Variants in ARHGAP6 observed in about 807,000 individuals in gnomAD.
ARHGAP6 encodes rho GTPase-activating protein 6.
Under a neutral mutation model 55.7 loss-of-function variants are expected in ARHGAP6, and 16 were observed. The observed-to-expected ratio is 0.29, with a 90% CI of 0.19 to 0.44. The LOEUF (loss-of-function observed/expected upper bound fraction) is 0.44, where lower values mean the gene tolerates loss of function less well. ARHGAP6 is among the 20% of genes least tolerant of loss of function. ARHGAP6 has a pLI of 1.00. For missense variants in ARHGAP6, 698 were observed against 808.9 expected (o/e 0.86, Z 1.66); for synonymous variants, 382 against 360.9 (o/e 1.06, Z -0.66).
chrX:11,482,472 G>A (rs2050466800), intron 1 of ARHGAP6, among the ~76,000 whole-genome samples: 1 of 111,466 alleles, frequency 9.0e-6, no homozygotes, highest in Admixed American at 9.5e-5. Flanking sequence ...TGATGAGTTG[G>A]TGTCCTGAGA....
At chrX:11,333,474 A>T (rs1393525838) in intron 1 of ARHGAP6, among the ~76,000 whole-genome samples, 1 of 112,041 alleles carries the variant, frequency 8.9e-6, no homozygotes, top group African/African-American at 3.2e-5. Flanking sequence ...TGAGTCAATT[A>T]AACCTCTTTC....
At chrX:11,275,455 A>G (rs1230210457) in intron 1 of ARHGAP6, among the ~76,000 whole-genome samples, 1 of 111,553 alleles carries the variant, frequency 9.0e-6, no homozygotes, top group Non-Finnish European at 1.9e-5. Context: ...ATTGCTTCCT[A>G]TGTCTCTCCT....
Position 11,319,132 on chromosome X carries a change from A to G in ARHGAP6, c.589-64425T>C, listed in dbSNP as rs182598432. ...CCTGTGATGGTAACTCCACATTTCT[A>G]TATCTATATCTATATCTATATCTAT... On this transcript the variant is annotated intron_variant, in intron 1 of 12. Coordinates refer to ENST00000337414, the MANE Select transcript of ARHGAP6 (RefSeq NM_013427.3). Among the ~76,000 whole-genome samples the G allele has an allele frequency of 5.8e-3, 646 of 111,656 alleles. 2 individuals are homozygous for G. The highest frequency in any genetic ancestry group is 8.4e-3 in the Non-Finnish European group (445 of 53,126).
intron 1 of ARHGAP6, among the ~76,000 whole-genome samples, chrX:11,365,830 G>T (rs1273723234): frequency 1.8e-5 from 2 of 111,944 alleles, no homozygotes; most frequent in East Asian, 5.6e-4. Flanking sequence ...AATGGGAGAG[G>T]AATACCACTG....
At chrX:11,644,318 TACA>T (rs1437884392) in intron 1 of ARHGAP6, among the ~76,000 whole-genome samples, 1 of 110,884 alleles carries the variant, frequency 9.0e-6, no homozygotes, top group Non-Finnish European at 1.9e-5. Flanking sequence ...TAAATGTTAC[TACA>T]ACCACACTGT....
At chrX:11,571,329 G>T (rs764962401) in intron 1 of ARHGAP6, among the ~76,000 whole-genome samples, 73 of 111,209 alleles carry the variant, frequency 6.6e-4, no homozygotes, top group South Asian at 1.5e-3. Context: ...ATAGGCTGGG[G>T]TTTAAATCCT....
At chrX:11,593,215 C>T (rs948210681) in intron 1 of ARHGAP6, among the ~76,000 whole-genome samples, 2 of 112,014 alleles carry the variant, frequency 1.8e-5, no homozygotes, top group Non-Finnish European at 3.8e-5. Context: ...AAGTCAATTG[C>T]TCCTGCAGAA....
At chrX:11,576,057 A>C (rs548380712) in intron 1 of ARHGAP6, among the ~76,000 whole-genome samples, 1 of 112,212 alleles carries the variant, frequency 8.9e-6, no homozygotes, top group Middle Eastern at 4.7e-3. Flanking sequence ...GCTAAACAAC[A>C]GTGAATTTCC....
chrX:11,545,672 A>G (rs1421263086), intron 1 of ARHGAP6, among the ~76,000 whole-genome samples: 1 of 111,752 alleles, frequency 8.9e-6, no homozygotes, highest in Admixed American at 9.6e-5. Flanking sequence ...AATGACAACA[A>G]GAGAGTTAGT....
intron 1 of ARHGAP6, among the ~76,000 whole-genome samples, chrX:11,357,723 A>C (rs1415106084): frequency 9.0e-6 from 1 of 111,414 alleles, no homozygotes; most frequent in Non-Finnish European, 1.9e-5. Context: ...GTCTTTTAAA[A>C]CCCAGAAATT....
At chrX:11,300,693 T>G in intron 1 of ARHGAP6, 1 of 953,074 alleles carries the variant, frequency 1.0e-6, no homozygotes, top group Non-Finnish European at 1.5e-6. Flanking sequence ...TTGCTTATAA[T>G]CACTTTACTT....
At chrX:11,172,184 C>T (rs987254052) in intron 8 of ARHGAP6, among the ~76,000 whole-genome samples, 5 of 111,120 alleles carry the variant, frequency 4.5e-5, no homozygotes, top group African/African-American at 6.6e-5. Flanking sequence ...GCTTGGTACA[C>T]GAGTTGTATT....
intron 3 of ARHGAP6, among the ~76,000 whole-genome samples, chrX:11,195,300 C>T (rs192402730): frequency 2.8e-4 from 30 of 108,107 alleles, no homozygotes; most frequent in African/African-American, 1.0e-3. Context: ...TGCAGTGAGC[C>T]GAGATTGCAC....
chrX:11,284,218 C>T (rs1014203650), intron 1 of ARHGAP6, among the ~76,000 whole-genome samples: 7 of 111,700 alleles, frequency 6.3e-5, no homozygotes, highest in Admixed American at 4.8e-4. Flanking sequence ...GTTAAAATAA[C>T]ACAGATTGCT....
intron 1 of ARHGAP6, among the ~76,000 whole-genome samples, chrX:11,502,689 C>T (rs1329430647): frequency 9.0e-6 from 1 of 111,332 alleles, no homozygotes; most frequent in Admixed American, 9.6e-5. Flanking sequence ...TTAATGAATA[C>T]TAAATATATT....
At chrX:11,464,922 A>T (rs1366269308) in intron 1 of ARHGAP6, among the ~76,000 whole-genome samples, 2 of 111,957 alleles carry the variant, frequency 1.8e-5, no homozygotes. Context: ...CAAAGTCAGA[A>T]CCGGCTTCCA....
intron 1 of ARHGAP6, among the ~76,000 whole-genome samples, chrX:11,632,477 T>C (rs1016101581): frequency 3.6e-5 from 4 of 112,453 alleles, no homozygotes; most frequent in African/African-American, 9.7e-5. Flanking sequence ...ATAGCTTAAC[T>C]ATTAACATTT....
rs748834537 is a variant in ARHGAP6, at chrX:11,174,596, C to G, written c.1629+3504G>C. ...TTCCTTTCTTTCTTTCTTTCTTTTT[C>G]TTTCTTTCTTTCTTTCTTTCTCTTT... is the stretch of plus-strand genomic sequence containing the variant. On this transcript the variant is annotated intron_variant, in intron 8 of 12. Coordinates refer to ENST00000337414, the MANE Select transcript of ARHGAP6 (RefSeq NM_013427.3). Among the ~76,000 whole-genome samples the G allele has an allele frequency of 3.1e-5, 2 of 63,947 alleles. 1 individual carries two copies. Among genetic ancestry groups the G allele is most frequent in the Non-Finnish European group, 6.4e-5 (2 of 31,234 alleles). The allele number at this position is 63,947 out of a possible 115,157, so 55.5% of individuals were successfully genotyped here.
At chrX:11,272,861 T>C (rs917947668) in intron 1 of ARHGAP6, among the ~76,000 whole-genome samples, 4 of 111,942 alleles carry the variant, frequency 3.6e-5, no homozygotes, top group African/African-American at 1.3e-4. Context: ...TTCATTCAAA[T>C]GGGATGCAGT....
Sources: allele counts gnomAD v4.1 joint callset (sites outside exome capture counted in the v4.1 genomes callset), GRCh38; gene constraint gnomAD v4.1.1; transcripts MANE v1.5; gene names NCBI Gene and HGNC (gene_info 2026-07-23, HGNC 2026-07-21).